The following OLFM3 variants were observed in gnomAD, a reference collection of about 807,000 sequenced individuals.
The protein encoded by OLFM3 is olfactomedin 3.
Under a neutral mutation model 48.6 loss-of-function variants are expected in OLFM3, and 20 were observed. The ratio of observed to expected loss-of-function variants is 0.41; its 90% CI spans 0.29 to 0.60. The LOEUF (loss-of-function observed/expected upper bound fraction) is 0.60, where lower values mean the gene tolerates loss of function less well. OLFM3 is among the 20% of genes least tolerant of loss of function. The pLI is 0.28. For synonymous variants in OLFM3, 222 were observed against 198.1 expected (o/e 1.12, Z -1.01); for missense variants, 437 against 544.3 (o/e 0.80, Z 1.96).
At chr1:101,914,221 G>A (rs1214639840) in intron 1 of OLFM3, among the ~76,000 whole-genome samples, 1 of 152,122 alleles carries the variant, frequency 6.6e-6, no homozygotes, top group Non-Finnish European at 1.5e-5. Flanking sequence ...CCATCATCAT[G>A]AAGGCATTCT....
chr1:101,873,764 T>C (rs1331288128), intron 1 of OLFM3, among the ~76,000 whole-genome samples: 1 of 151,862 alleles, frequency 6.6e-6, no homozygotes, highest in African/African-American at 2.4e-5. Context: ...AGATCTTTTT[T>C]CAGTTTTCTC....
chr1:101,894,699 T>G (rs6692309), intron 1 of OLFM3, among the ~76,000 whole-genome samples: 152,060 of 152,168 alleles, frequency 1, 75,977 homozygotes, highest in Middle Eastern at 1. Flanking sequence ...TCCTCTTAAA[T>G]TTTATTTTAA....
intron 1 of OLFM3, among the ~76,000 whole-genome samples, chr1:101,911,432 C>T (rs1658757336): frequency 6.6e-6 from 1 of 152,054 alleles, no homozygotes; most frequent in Admixed American, 6.5e-5. Context: ...TCATGGGCCC[C>T]TTACTTGATT....
At chr1:101,839,010 A>G (rs2100928284) in intron 1 of OLFM3, among the ~76,000 whole-genome samples, 1 of 152,372 alleles carries the variant, frequency 6.6e-6, no homozygotes, top group South Asian at 2.1e-4. Context: ...AGGCCTTCCA[A>G]CAACAATCAT....
chr1:101,935,534 T>C (rs1159373184), intron 1 of OLFM3, among the ~76,000 whole-genome samples: 1 of 152,100 alleles, frequency 6.6e-6, no homozygotes, highest in Non-Finnish European at 1.5e-5. Context: ...ATAGCTGAAT[T>C]CCACTAGATG....
At chr1:101,889,661 CATAAA>C (rs1657911584) in intron 1 of OLFM3, among the ~76,000 whole-genome samples, 1 of 151,478 alleles carries the variant, frequency 6.6e-6, no homozygotes, top group Admixed American at 6.6e-5. Context: ...TAATAAAAAT[CATAAA>C]ATAAAAAAGT....
intron 1 of OLFM3, among the ~76,000 whole-genome samples, chr1:101,892,235 C>A (rs1658027309): frequency 7.1e-6 from 1 of 140,278 alleles, no homozygotes; most frequent in Non-Finnish European, 1.6e-5. Flanking sequence ...GTTCTAGTCT[C>A]AGTTCGGTAT....
At chr1:101,829,250 G>A (rs945667227) in intron 3 of OLFM3, among the ~76,000 whole-genome samples, 1 of 152,028 alleles carries the variant, frequency 6.6e-6, no homozygotes, top group Admixed American at 6.6e-5. Flanking sequence ...TATTTATCCA[G>A]TTCACTCACA....
intron 1 of OLFM3, among the ~76,000 whole-genome samples, chr1:101,856,418 T>C (rs999871787): frequency 6.6e-6 from 1 of 151,956 alleles, no homozygotes; most frequent in African/African-American, 2.4e-5. Flanking sequence ...TTTAACCTTA[T>C]AAAAACTGTT....
chr1:101,867,333 T>C (rs1001219075), intron 1 of OLFM3, among the ~76,000 whole-genome samples: 1 of 152,216 alleles, frequency 6.6e-6, no homozygotes, highest in Non-Finnish European at 1.5e-5. Flanking sequence ...CTAACATAAA[T>C]ATTATAGACT....
intron 4 of OLFM3, among the ~76,000 whole-genome samples, chr1:101,810,678 G>C (rs1343816662): frequency 1.3e-5 from 2 of 151,904 alleles, no homozygotes; most frequent in Non-Finnish European, 2.9e-5. Flanking sequence ...TGGAAACTGT[G>C]AATATTCTGC....
chr1:101,959,706 G>C (rs1311342348), intron 1 of OLFM3, among the ~76,000 whole-genome samples: 1 of 152,136 alleles, frequency 6.6e-6, no homozygotes, highest in Non-Finnish European at 1.5e-5. Flanking sequence ...AGGCTAGATA[G>C]CTGCTGAGTC....
intron 1 of OLFM3, among the ~76,000 whole-genome samples, chr1:101,887,942 T>C (rs749533022): frequency 6.6e-6 from 1 of 152,130 alleles, no homozygotes; most frequent in Non-Finnish European, 1.5e-5. Context: ...TATATTCAAA[T>C]TGTGTAGTAT....
intron 1 of OLFM3, among the ~76,000 whole-genome samples, chr1:101,989,460 C>T (rs1283977111): frequency 2.6e-5 from 4 of 152,036 alleles, no homozygotes; most frequent in African/African-American, 9.7e-5. Flanking sequence ...TCTGCAACCT[C>T]TTATAGAAAG....
chr1:101,950,100 A>G (rs1490994238), intron 1 of OLFM3, among the ~76,000 whole-genome samples: 3 of 151,568 alleles, frequency 2.0e-5, no homozygotes, highest in Non-Finnish European at 4.4e-5. Context: ...TCTAAAATTT[A>G]CTTACCATAT....
rs146366841 is a variant in OLFM3 at position 101,823,711 on chromosome 1, A to C, written c.592+1315T>G. Among the ~76,000 whole-genome samples, 441 of 152,220 alleles carry C rather than the reference A, an allele frequency of 2.9e-3. 1 individual carries two copies. The highest frequency in any genetic ancestry group is 0.01 in the African/African-American group (433 of 41,560). On this transcript the variant is annotated intron_variant, in intron 4 of 5. Transcript: ENST00000370103. ...GTGTACAATGAGTTAGAGAGGAATG[A>C]AAACTGGAGTCACAGAATCTATTAT...
Position 101,809,221 on chromosome 1 carries a change from A to T in OLFM3, c.593-3039T>A, listed in dbSNP as rs1163731151. On this transcript the variant is annotated intron_variant, in intron 4 of 5. Coordinates refer to ENST00000370103, the MANE Select transcript of OLFM3 (RefSeq NM_058170.4). The stretch of plus-strand genomic sequence containing the variant: ...AACAACACCTAAATATTCAGATTAA[A>T]AGAACACATGATAATGAATGAAAAA... 1.5e-4 allele frequency among the ~76,000 whole-genome samples: 23 copies of T among 151,786 alleles called. No homozygotes were observed. In the Admixed American group the frequency reaches 1.5e-3, roughly 10 times the overall value.
chr1:101,883,194 G>A (rs1657604092), intron 1 of OLFM3, among the ~76,000 whole-genome samples: 2 of 151,556 alleles, frequency 1.3e-5, no homozygotes, highest in Admixed American at 6.6e-5. Flanking sequence ...CAGTATTACA[G>A]TTTTAAAAAA....
At chr1:101,973,373 C>A (rs570018499) in intron 1 of OLFM3, among the ~76,000 whole-genome samples, 39 of 152,186 alleles carry the variant, frequency 2.6e-4, no homozygotes, top group Non-Finnish European at 4.8e-4. Flanking sequence ...TGCACCCTTC[C>A]TCTTTTTTTA....
Sources: allele counts gnomAD v4.1 joint callset (sites outside exome capture counted in the v4.1 genomes callset), GRCh38; gene constraint gnomAD v4.1.1; transcripts MANE v1.5; gene names NCBI Gene and HGNC (gene_info 2026-07-23, HGNC 2026-07-21).